The following PRH1 variants were observed in gnomAD, a reference collection of about 807,000 sequenced individuals.
PRH1 encodes the protein proline rich protein HaeIII subfamily 1.
A neutral mutation model predicts 7.9 loss-of-function variants in PRH1; 7 were observed. The observed-to-expected ratio is 0.89, with a 90% confidence interval of 0.50 to 1.67. The LOEUF is 1.67. Among genes scored for constraint, PRH1 ranks in the 40% most tolerant of loss-of-function variants. The pLI is 0.00. For synonymous variants in PRH1, 45 were observed against 80.8 expected (o/e 0.56, Z 2.38); for missense variants, 109 against 223.6 (o/e 0.49, Z 3.27).
chr12:11,032,708 A>C (rs944228796), intron 1 of PRH1, among the ~76,000 whole-genome samples: 1 of 152,218 alleles, frequency 6.6e-6, no homozygotes, highest in African/African-American at 2.4e-5. Flanking sequence ...TCTAATGTTT[A>C]AATATTATTA....
At chr12:11,018,722 A>C (rs370011025) in intron 1 of PRH1, among the ~76,000 whole-genome samples, 396 of 100,844 alleles carry the variant, frequency 3.9e-3, no homozygotes, top group East Asian at 8.8e-3. Flanking sequence ...GCAGGACAGC[A>C]GTTGTAAAAG....
chr12:10,975,309 C>A (rs915682980), intron 1 of PRH1, among the ~76,000 whole-genome samples: 1 of 152,120 alleles, frequency 6.6e-6, no homozygotes, highest in East Asian at 1.9e-4. Flanking sequence ...TCAAGAATTT[C>A]GTATCCACCC....
chr12:11,056,229 A>T (rs1943357295), intron 1 of PRH1, among the ~76,000 whole-genome samples: 1 of 152,276 alleles, frequency 6.6e-6, no homozygotes, highest in Admixed American at 6.5e-5. Flanking sequence ...TTTTATAACT[A>T]TTCCTTGGGC....
At chr12:10,925,586 T>G (rs1950112628) in intron 2 of PRH1, among the ~76,000 whole-genome samples, 1 of 152,220 alleles carries the variant, frequency 6.6e-6, no homozygotes, top group Non-Finnish European at 1.5e-5. Flanking sequence ...TGTATGAGTA[T>G]CTTTATATGA....
chr12:11,139,180 C>T (rs1946637789), intron 1 of PRH1, among the ~76,000 whole-genome samples: 1 of 152,164 alleles, frequency 6.6e-6, no homozygotes, highest in African/African-American at 2.4e-5. Flanking sequence ...TAGAAATGTA[C>T]TTATGTTTTT....
intron 1 of PRH1, among the ~76,000 whole-genome samples, chr12:11,115,298 A>C (rs1341348418): frequency 6.6e-6 from 1 of 152,144 alleles, no homozygotes; most frequent in Non-Finnish European, 1.5e-5. Flanking sequence ...AACTATGAGG[A>C]GATAAAGGTC....
At chr12:11,061,811 T>C (rs747636119) in intron 1 of PRH1, 4 of 1,614,182 alleles carry the variant, frequency 2.5e-6, no homozygotes, top group East Asian at 2.2e-5. Flanking sequence ...TTCCAAGTCA[T>C]GTTTCCTTCA....
At chr12:11,037,820 G>A (rs1233629029) in intron 1 of PRH1, among the ~76,000 whole-genome samples, 19 of 152,190 alleles carry the variant, frequency 1.2e-4, no homozygotes, top group African/African-American at 4.6e-4. Context: ...GAGGTGGATT[G>A]CCTGAGCACA....
intron 1 of PRH1, among the ~76,000 whole-genome samples, chr12:11,136,823 C>A (rs906661896): frequency 6.6e-6 from 1 of 152,104 alleles, no homozygotes; most frequent in African/African-American, 2.4e-5. Context: ...GAGTTCAAGA[C>A]CAGCCTGTGC....
At chr12:11,138,300 T>C (rs1284689510) in intron 1 of PRH1, among the ~76,000 whole-genome samples, 1 of 152,194 alleles carries the variant, frequency 6.6e-6, no homozygotes, top group Non-Finnish European at 1.5e-5. Flanking sequence ...GTTATCTTAC[T>C]ATAGCAGTCA....
At position 11,131,248 on chromosome 12, in the gene PRH1, G is replaced by A. The variant is rs888987288; in HGVS notation, n.40-10068C>T. 5.8e-4 allele frequency among the ~76,000 whole-genome samples: 89 copies of A among 152,292 alleles called. 1 individual carries two copies. The highest frequency in any genetic ancestry group is 2.5e-4 in the Non-Finnish European group (17 of 68,036). ...GTGGTTTCCCTTTGTAGCCCTTCTG[G>A]AAAAGTTCTGGGAGTCAAGTGCATG... On this transcript the variant is annotated intron_variant and non_coding_transcript_variant, in intron 1 of 1. Transcript: ENST00000541175.
chr12:11,171,564 A>G, upstream of PRH1: 1 of 1,231,952 alleles, frequency 8.1e-7, no homozygotes, highest in Non-Finnish European at 1.0e-6. Context: ...ACATATTTAG[A>G]GCCATGACTA....
intron 1 of PRH1, among the ~76,000 whole-genome samples, chr12:11,081,818 G>A (rs139298388): frequency 0.013 from 1,060 of 79,086 alleles, 18 homozygotes; most frequent in Non-Finnish European, 0.017. Flanking sequence ...ATATGGGGGA[G>A]GGGTTACTTC....
intron 1 of PRH1, among the ~76,000 whole-genome samples, chr12:11,099,849 T>G (rs1331884014): frequency 6.6e-6 from 1 of 152,176 alleles, no homozygotes; most frequent in African/African-American, 2.4e-5. Flanking sequence ...ACAACTTTGT[T>G]GTGTCAGGAA....
At chr12:10,954,072 G>C (rs115455847) in intron 2 of PRH1, among the ~76,000 whole-genome samples, 3,013 of 152,238 alleles carry the variant, frequency 0.02, 35 homozygotes, top group South Asian at 0.031. Flanking sequence ...TAAGGGATTT[G>C]ATTACCACCA....
At chr12:10,998,562 T>C (rs1190366686) in intron 1 of PRH1, among the ~76,000 whole-genome samples, 1 of 152,060 alleles carries the variant, frequency 6.6e-6, no homozygotes, top group African/African-American at 2.4e-5. Context: ...ACTTTCACTC[T>C]TCAAGGATGG....
intron 1 of PRH1, among the ~76,000 whole-genome samples, chr12:11,123,833 T>C (rs1406793855): frequency 6.6e-6 from 1 of 152,126 alleles, no homozygotes; most frequent in Non-Finnish European, 1.5e-5. Context: ...TGATAATTCA[T>C]TTTTTAGTTT....
chr12:11,165,253 CT>C (rs1013086690), intron 1 of PRH1, among the ~76,000 whole-genome samples: 6 of 152,166 alleles, frequency 3.9e-5, no homozygotes, highest in Admixed American at 2.0e-4. Context: ...TAGTTGCCCC[CT>C]ATCCTCACAA....
intron 1 of PRH1, among the ~76,000 whole-genome samples, chr12:11,034,133 CTT>C (rs1251230377): frequency 1.8e-5 from 1 of 54,524 alleles, no homozygotes; most frequent in African/African-American, 6.1e-5. Flanking sequence ...ACATGTTCCT[CTT>C]GTTTGTGGCT....
Sources: gnomAD v4.1 joint callset for allele counts (sites outside exome capture counted in the v4.1 genomes callset) on GRCh38, gnomAD v4.1.1 for gene constraint, MANE v1.5 for transcripts, NCBI Gene and HGNC (gene_info 2026-07-23, HGNC 2026-07-21) for gene names.